HCN4: variants seen among roughly 807,000 people sequenced by gnomAD.
The protein encoded by HCN4 is potassium/sodium hyperpolarization-activated cyclic nucleotide-gated channel 4.
Under a neutral mutation model 76.9 loss-of-function variants are expected in HCN4, and 29 were observed. That is an observed-to-expected ratio of 0.38 (90% CI 0.28 to 0.51). The LOEUF (loss-of-function observed/expected upper bound fraction) is 0.51. Ranked by LOEUF, HCN4 falls within the 20% of genes least tolerant of loss-of-function variation. The pLI is 0.90. For synonymous variants in HCN4, 772 were observed against 762.5 expected (o/e 1.01, Z -0.21); for missense variants, 1,416 against 1,715.2 (o/e 0.83, Z 3.08).
At chr15:73,336,025 C>T (rs775621083) in intron 2 of HCN4, among the ~76,000 whole-genome samples, 6 of 152,072 alleles carry the variant, frequency 3.9e-5, no homozygotes, top group Non-Finnish European at 8.8e-5. Flanking sequence ...GGAAGGAAGC[C>T]GCACCCAGGA....
In HCN4 at chr15:73,325,681, G is replaced by A. The variant is rs145211410; in HGVS notation, c.1591-237C>T. 0.014 allele frequency among the ~76,000 whole-genome samples: 2,178 copies of A among 152,272 alleles called. 49 individuals carry two copies. Among genetic ancestry groups the A allele is most frequent in the African/African-American group, 0.049 (2,018 of 41,526 alleles). On this transcript the variant is annotated intron_variant, in intron 4 of 7. Transcript: ENST00000261917. This position sits in a 1 kb window ranked among gnomAD's most constrained non-coding sequence, Gnocchi z 7.4. ...GGGCCCCCACCAGCATCTGCTCCTC[G>A]CTGTGTTCAATACTAAGGAGGTGGG...
intron 2 of HCN4, among the ~76,000 whole-genome samples, chr15:73,334,862 T>C (rs542259): frequency 0.84 from 127,202 of 152,066 alleles, 54,825 homozygotes; most frequent in Non-Finnish European, 0.93. Context: ...TGTGTCCCTC[T>C]CAAATTCCTA....
At chr15:73,358,936 GA>G (rs993886491) in intron 1 of HCN4, among the ~76,000 whole-genome samples, 2 of 152,128 alleles carry the variant, frequency 1.3e-5, no homozygotes, top group Non-Finnish European at 2.9e-5. Context: ...CCTTAATAGT[GA>G]AAGCAGTCTT....
chr15:73,356,978 G>A (rs956236763), intron 1 of HCN4, among the ~76,000 whole-genome samples: 19 of 152,174 alleles, frequency 1.2e-4, no homozygotes, highest in African/African-American at 4.3e-4. Context: ...CAGGCTGTTA[G>A]TGCAGATGGG....
chr15:73,364,418 A>G (rs540658339), intron 1 of HCN4, among the ~76,000 whole-genome samples: 1 of 152,234 alleles, frequency 6.6e-6, no homozygotes, highest in East Asian at 1.9e-4. Flanking sequence ...TCTTAGAAAA[A>G]CAAGATTAGC....
chr15:73,358,708 GC>G (rs2043092176), intron 1 of HCN4, among the ~76,000 whole-genome samples: 2 of 152,184 alleles, frequency 1.3e-5, no homozygotes, highest in African/African-American at 4.8e-5. Flanking sequence ...TGAATAAGCA[GC>G]CCCCAGCACC....
Position 73,367,394 on chromosome 15 carries a change from G to A in HCN4, c.785+92C>T. On this transcript the variant is annotated intron_variant, in intron 1 of 7. Transcript: ENST00000261917. This position sits in a 1 kb window ranked among gnomAD's most constrained non-coding sequence, Gnocchi z 7.5. Reference sequence around the variant, plus strand: ...CTCTTGGAGCTCCCAGCGCAAGGCAGGAAAGTTAACTCCGGCTGGGAGGCA... The same window carrying A: ...CTCTTGGAGCTCCCAGCGCAAGGCAAGAAAGTTAACTCCGGCTGGGAGGCA... 6.3e-7 allele frequency: 1 copy of A among 1,586,286 alleles called. No homozygotes were observed. The highest frequency in any genetic ancestry group is 1.7e-5 in the Admixed American group (1 of 58,032).
At chr15:73,329,818 A>G (rs781294753) in intron 3 of HCN4, 27 bp from the exon 4 acceptor site, 1 of 1,578,738 alleles carries the variant, frequency 6.3e-7, no homozygotes, top group East Asian at 2.2e-5. Flanking sequence ...GGGTGGGGAC[A>G]GTGGATGAGA....
intron 2 of HCN4, among the ~76,000 whole-genome samples, chr15:73,336,750 C>A (rs900410940): frequency 6.6e-6 from 1 of 152,100 alleles, no homozygotes; most frequent in African/African-American, 2.4e-5. Flanking sequence ...TCTAAACACC[C>A]GCAAGATGAC....
At chr15:73,341,600 T>C (rs1417794409) in intron 2 of HCN4, among the ~76,000 whole-genome samples, 1 of 152,040 alleles carries the variant, frequency 6.6e-6, no homozygotes, top group Non-Finnish European at 1.5e-5. Flanking sequence ...GGAGCCGGGA[T>C]TTTAACTTGG....
rs1443019137 is a variant in HCN4 at position 73,343,874 on chromosome 15, A to G, written c.786-66T>C. The G allele has an allele frequency of 6.5e-7, 1 of 1,536,942 alleles. No homozygotes were observed. The highest frequency in any genetic ancestry group is 9.0e-7 in the Non-Finnish European group (1 of 1,112,732). On this transcript the variant is annotated intron_variant, in intron 1 of 7. Transcript: ENST00000261917. The surrounding 1 kb of genome is among the most constrained non-coding windows in gnomAD (Gnocchi z 5.7). ...AGGACAAGTTACAGACTAAGGGAGG[A>G]AGATCTGAGGGACAGCATCTGGGAC...
intron 4 of HCN4, among the ~76,000 whole-genome samples, chr15:73,326,503 TAG>T (rs1281817946): frequency 1.3e-5 from 2 of 152,142 alleles, no homozygotes; most frequent in East Asian, 1.9e-4. Context: ...AGCTGTGTTT[TAG>T]AGAGTCCCTC....
At chr15:73,341,888 C>T (rs951756710) in intron 2 of HCN4, among the ~76,000 whole-genome samples, 3 of 152,228 alleles carry the variant, frequency 2.0e-5, no homozygotes, top group African/African-American at 7.2e-5. Flanking sequence ...TGCTGCCAGT[C>T]GAGGCCCAGG....
intron 1 of HCN4, among the ~76,000 whole-genome samples, chr15:73,363,676 G>T (rs143634959): frequency 2.0e-5 from 3 of 152,174 alleles, no homozygotes; most frequent in African/African-American, 7.2e-5. Context: ...ACCCCTGCTT[G>T]AGCCAAGGAC....
chr15:73,368,013 C>G lies in HCN4; in HGVS notation c.258G>C (p.Lys86Asn), dbSNP rs1019029244. ...GCCTGCAGTCGCCGTTCGTGCTGGA[C>G]TTGCCCGCGCCGCGGGCCGGCCCTT... is the stretch of plus-strand genomic sequence containing the variant. Reference protein sequence around the residue: ...DSEGPARGAGKSSTNGDCRRF... With the variant: ...DSEGPARGAGNSSTNGDCRRF... Residue 86 changes from lysine (K) to asparagine (N), a missense_variant, in exon 1 of 8, where the codon AAG (lysine) becomes AAC (asparagine). Transcript: ENST00000261917. This position sits in a 1 kb window ranked among gnomAD's most constrained non-coding sequence, Gnocchi z 6.9. 2 of 1,417,942 alleles carry G rather than the reference C, an allele frequency of 1.4e-6. No individual in the cohort carries two copies. The highest frequency in any genetic ancestry group is 9.1e-7 in the Non-Finnish European group (1 of 1,093,006). 87.8% of individuals were successfully genotyped at this position (1,417,942 alleles called of 1,614,324 possible). A position where few individuals can be genotyped will look rare whatever the true frequency, so the allele number is the denominator to read the frequency against.
chr15:73,324,793 C>T (rs557197147), intron 6 of HCN4, among the ~76,000 whole-genome samples, 162 bp downstream of exon 6: 14 of 152,288 alleles, frequency 9.2e-5, no homozygotes, highest in African/African-American at 3.4e-4. Context: ...ACTTTTGTTA[C>T]AAGAACCCAG....
chr15:73,343,952 G>T lies in HCN4; in HGVS notation c.786-144C>A. The T allele has an allele frequency of 1.3e-6, 1 of 787,512 alleles. No homozygotes were observed. The allele number at this position is 787,512 out of a possible 1,614,324, so 48.8% of individuals were successfully genotyped here. On this transcript the variant is annotated intron_variant, in intron 1 of 7. Coordinates refer to ENST00000261917, the MANE Select transcript of HCN4 (RefSeq NM_005477.3). The surrounding 1 kb of genome is among the most constrained non-coding windows in gnomAD (Gnocchi z 5.7). The stretch of plus-strand genomic sequence containing the variant: ...GGAAGACAGGCACATGGGTACCAGG[G>T]CAAGATGTGGAGATTGGCACAGGGA...
Position 73,367,539 on chromosome 15 carries a change from C to T in HCN4, c.732G>A (p.Gln244=). 6.2e-7 allele frequency: 1 copy of T among 1,614,104 alleles called. No individual in the cohort carries two copies. Residue 244 remains glutamine, a synonymous_variant, in exon 1 of 8, where the codon CAG becomes CAA. Coordinates refer to ENST00000261917, the MANE Select transcript of HCN4 (RefSeq NM_005477.3). This position sits in a 1 kb window ranked among gnomAD's most constrained non-coding sequence, Gnocchi z 7.5. The stretch of plus-strand genomic sequence containing the variant: ...AAAATCCGGCCGACTTGACCCTCTC[C>T]TGTTCGCGCTCCACGGCTTTCTGGC... ...FGSQKAVERE[Q]ERVKSAGFWI...
Position 73,325,307 on chromosome 15 carries a change from G to T in HCN4, c.1728C>A (p.Pro576=). The T allele has an allele frequency of 6.2e-7, 1 of 1,613,946 alleles. No individual in the cohort carries two copies. Among genetic ancestry groups the T allele is most frequent in the Non-Finnish European group, 8.5e-7 (1 of 1,179,940 alleles). Reference sequence around the variant, plus strand: ...CCGCCACACAGCTCACCTCCCGCAGGGGCTCGCTTAGCTCGCCCAGGATGC... The same window carrying T: ...CCGCCACACAGCTCACCTCCCGCAGTGGCTCGCTTAGCTCGCCCAGGATGC... ...EESILGELSE[P]LREEIINFNC... Residue 576 remains proline, a synonymous_variant, in exon 5 of 8, where the codon CCC becomes CCA. Coordinates refer to ENST00000261917, the MANE Select transcript of HCN4 (RefSeq NM_005477.3). The surrounding 1 kb of genome is among the most constrained non-coding windows in gnomAD (Gnocchi z 7.4).
Sources: allele counts gnomAD v4.1 joint callset (sites outside exome capture counted in the v4.1 genomes callset), GRCh38; gene constraint gnomAD v4.1.1; non-coding constraint Gnocchi (gnomAD v3.1); transcripts MANE v1.5; gene names NCBI Gene and HGNC (gene_info 2026-07-23, HGNC 2026-07-21).